The following KDM4B variants were observed in gnomAD, a reference collection of about 807,000 sequenced individuals.
KDM4B encodes the protein lysine-specific demethylase 4B.
A neutral mutation model predicts 125.2 loss-of-function variants in KDM4B; 32 were observed. That is an observed-to-expected ratio of 0.26 (90% CI 0.19 to 0.34). The LOEUF is 0.34. KDM4B is among the 10% of genes least tolerant of loss of function. The pLI, the probability that KDM4B is intolerant of heterozygous loss-of-function variation, is 1.00. For synonymous variants in KDM4B, 721 were observed against 677.9 expected (o/e 1.06, Z -0.99); for missense variants, 1,190 against 1,577.7 (o/e 0.75, Z 4.16).
At chr19:5,113,459 G>A (rs571655195) in intron 10 of KDM4B, 1 of 154,234 alleles carries the variant, frequency 6.5e-6, no homozygotes, top group Admixed American at 6.4e-5. Flanking sequence ...TCCCCCCTGA[G>A]CAGTGCCCTC....
intron 6 of KDM4B, among the ~76,000 whole-genome samples, 190 bp downstream of exon 6, chr19:5,047,859 C>T (rs962962959): frequency 1.3e-5 from 2 of 152,132 alleles, no homozygotes; most frequent in African/African-American, 4.8e-5. Context: ...GGGATGTGCA[C>T]CCCCAGAGCC....
At chr19:5,107,542 G>T (rs2620858) in intron 9 of KDM4B, among the ~76,000 whole-genome samples, 3 of 151,968 alleles carry the variant, frequency 2.0e-5, no homozygotes, top group South Asian at 2.1e-4. Flanking sequence ...CTGCCCTGCC[G>T]GAGGACTCTG....
chr19:5,006,411 G>A (rs535193202), intron 1 of KDM4B, among the ~76,000 whole-genome samples: 20 of 152,174 alleles, frequency 1.3e-4, no homozygotes, highest in African/African-American at 4.6e-4. Context: ...TTTCTGACTC[G>A]TGTTGCCACA....
intron 2 of KDM4B, among the ~76,000 whole-genome samples, chr19:5,019,461 C>T (rs1281741124): frequency 5.0e-5 from 5 of 99,418 alleles, no homozygotes; most frequent in Admixed American, 4.5e-4. Context: ...TGTTGGTGTG[C>T]AGGTGTGGGT....
chr19:5,124,101 CTG>C (rs1244516779), intron 11 of KDM4B, among the ~76,000 whole-genome samples: 1 of 152,070 alleles, frequency 6.6e-6, no homozygotes, highest in African/African-American at 2.4e-5. Context: ...GTGCTGGGGG[CTG>C]TGTGTGGTCT....
At chr19:5,149,204 C>G (rs150346848) in intron 21 of KDM4B, among the ~76,000 whole-genome samples, 1 of 152,274 alleles carries the variant, frequency 6.6e-6, no homozygotes, top group Non-Finnish European at 1.5e-5. Context: ...CGGGCCCCCC[C>G]GCTGCACACT....
intron 6 of KDM4B, among the ~76,000 whole-genome samples, chr19:5,057,937 G>A (rs1359203968): frequency 6.6e-6 from 1 of 152,246 alleles, no homozygotes. Context: ...GCCAGCATGT[G>A]TGGTGTCCAA....
intron 9 of KDM4B, among the ~76,000 whole-genome samples, chr19:5,090,409 C>T (rs1370905093): frequency 3.9e-5 from 3 of 76,424 alleles, no homozygotes; most frequent in African/African-American, 5.7e-5. Context: ...TCTCTCTCTC[C>T]CCCTCTCCCC....
rs552655191 is a variant in KDM4B, at chr19:5,119,686, G to A, written c.1149G>A (p.Pro383=). Residue 383 remains proline (P), a synonymous_variant, in exon 11 of 23, where the codon CCG becomes CCA. Transcript: ENST00000159111. The part of the protein sequence containing the change: ...SHRKRSQPKK[P]KPEDPKFPGE... ...GGAAACGGAGCCAGCCCAAGAAGCC[G>A]AAGCCCGAAGACCCCAAGTTCCCTG... 1.5e-5 allele frequency: 23 copies of A among 1,556,094 alleles called. No individual in the cohort carries two copies. In the Admixed American group the frequency reaches 3.1e-4, roughly 21 times the overall value.
At chr19:5,103,802 T>C (rs2038983724) in intron 9 of KDM4B, among the ~76,000 whole-genome samples, 1 of 152,262 alleles carries the variant, frequency 6.6e-6, no homozygotes, top group Non-Finnish European at 1.5e-5. Context: ...CCAGGGGGCC[T>C]GGCTTTTGCT....
intron 1 of KDM4B, among the ~76,000 whole-genome samples, chr19:4,979,778 A>G (rs1294722049): frequency 1.3e-5 from 2 of 152,244 alleles, no homozygotes; most frequent in Non-Finnish European, 2.9e-5. Flanking sequence ...TGGAGCTATC[A>G]TTCACATACT....
chr19:5,042,502 A>G (rs75608982), intron 5 of KDM4B, among the ~76,000 whole-genome samples: 1 of 139,930 alleles, frequency 7.1e-6, no homozygotes, highest in Admixed American at 6.9e-5. Context: ...CGTCACAAGA[A>G]AAAAAAAAAA....
intron 5 of KDM4B, among the ~76,000 whole-genome samples, chr19:5,044,561 G>T (rs2036963291): frequency 6.6e-6 from 1 of 152,176 alleles, no homozygotes; most frequent in Non-Finnish European, 1.5e-5. Flanking sequence ...TTGTTTCTTT[G>T]TCTTTGAGAC....
At chr19:5,133,463 C>A (rs2146067037) in intron 13 of KDM4B, among the ~76,000 whole-genome samples, 1 of 152,340 alleles carries the variant, frequency 6.6e-6, no homozygotes, top group East Asian at 1.9e-4. Flanking sequence ...CGCCCCCACT[C>A]AGACTCAGAC....
chr19:5,022,048 T>G (rs1291625239), intron 2 of KDM4B, among the ~76,000 whole-genome samples: 1 of 152,150 alleles, frequency 6.6e-6, no homozygotes, highest in Non-Finnish European at 1.5e-5. Context: ...CTCTGCAGTT[T>G]GGGGGTCCTT....
At chr19:5,022,295 T>C (rs2036147787) in intron 2 of KDM4B, among the ~76,000 whole-genome samples, 1 of 152,106 alleles carries the variant, frequency 6.6e-6, no homozygotes, top group Admixed American at 6.5e-5. Context: ...TGGCCCCAGG[T>C]GCTCTGGGTC....
At chr19:5,067,118 GCCT>G (rs1023435278) in intron 6 of KDM4B, among the ~76,000 whole-genome samples, 2 of 152,116 alleles carry the variant, frequency 1.3e-5, no homozygotes, top group African/African-American at 4.8e-5. Context: ...TCCCCTGGCA[GCCT>G]CCTCAACAGT....
At position 5,035,889 on chromosome 19, in the gene KDM4B, GCGCGCGCC is replaced by G. The variant is rs2036608303; in HGVS notation, c.141+2859_141+2866del. ...TGTGTGTGTGTGTGTGTGCGCGCGC[GCGCGCGCC>G]TGCGCGCACAGGAGACTGAGGTGGG... On this transcript the variant is annotated intron_variant, in intron 3 of 22. Transcript: ENST00000159111. The surrounding 1 kb of genome is among the most constrained non-coding windows in gnomAD (Gnocchi z 5.3). Among the ~76,000 whole-genome samples the G allele has an allele frequency of 7.1e-6, 1 of 140,600 alleles. No homozygotes were observed. The highest frequency in any genetic ancestry group is 2.6e-5 in the African/African-American group (1 of 38,920). The allele number at this position is 140,600 out of a possible 152,430, so 92.2% of individuals were successfully genotyped here. A position where few individuals can be genotyped will look rare whatever the true frequency, so the allele number is the denominator to read the frequency against.
chr19:5,067,403 TG>T (rs909291134), intron 6 of KDM4B, among the ~76,000 whole-genome samples: 2 of 152,142 alleles, frequency 1.3e-5, no homozygotes, highest in African/African-American at 4.8e-5. Context: ...ACCCTGCCCC[TG>T]GCTTAGGGAG....
Sources: gnomAD v4.1 joint callset for allele counts (sites outside exome capture counted in the v4.1 genomes callset) on GRCh38, gnomAD v4.1.1 for gene constraint, Gnocchi (gnomAD v3.1) non-coding constraint, MANE v1.5 for transcripts, NCBI Gene and HGNC (gene_info 2026-07-23, HGNC 2026-07-21) for gene names.